SGCZ: variants seen among roughly 807,000 people sequenced by gnomAD.
SGCZ encodes the protein sarcoglycan zeta, also known as zeta-sarcoglycan.
SGCZ carries 40 observed loss-of-function variants against 41.3 expected under a neutral mutation model. The ratio of observed to expected loss-of-function variants is 0.97; its 90% CI spans 0.75 to 1.26. The LOEUF is 1.26. Among genes scored for constraint, SGCZ ranks in the 50% most tolerant of loss-of-function variants. The pLI, the probability that SGCZ is intolerant of heterozygous loss-of-function variation, is 0.00. For missense variants in SGCZ, 552 were observed against 369.8 expected (o/e 1.49, Z -4.04); for synonymous variants, 206 against 137.5 (o/e 1.50, Z -3.49).
intron 1 of SGCZ, among the ~76,000 whole-genome samples, chr8:15,221,948 A>T (rs1254103507): frequency 6.6e-6 from 1 of 152,198 alleles, no homozygotes; most frequent in African/African-American, 2.4e-5. Flanking sequence ...CTGAGTCTTC[A>T]ATTGTAGCTT....
At chr8:14,249,309 GT>G (rs1799206760) in intron 3 of SGCZ, among the ~76,000 whole-genome samples, 1 of 152,138 alleles carries the variant, frequency 6.6e-6, no homozygotes, top group Admixed American at 6.6e-5. Flanking sequence ...AGGCCTTCAT[GT>G]TTGGTTTAGC....
At chr8:14,860,423 TGGAG>T (rs1165101102) in intron 1 of SGCZ, among the ~76,000 whole-genome samples, 1 of 141,842 alleles carries the variant, frequency 7.1e-6, no homozygotes, top group Non-Finnish European at 1.5e-5. Context: ...GTGAGAAAAA[TGGAG>T]GGAGGGAGAG....
intron 1 of SGCZ, among the ~76,000 whole-genome samples, chr8:15,050,251 C>G (rs1031092690): frequency 9.9e-5 from 15 of 152,202 alleles, no homozygotes; most frequent in African/African-American, 3.4e-4. Flanking sequence ...TAACTTTGAA[C>G]ATATGAAAGT....
At chr8:14,582,273 G>C (rs1804915205) in intron 1 of SGCZ, among the ~76,000 whole-genome samples, 1 of 152,066 alleles carries the variant, frequency 6.6e-6, no homozygotes, top group Admixed American at 6.6e-5. Context: ...GCTATTAGTA[G>C]TTACGTTTGG....
chr8:14,600,263 C>T (rs1211919656), intron 1 of SGCZ, among the ~76,000 whole-genome samples: 1 of 152,140 alleles, frequency 6.6e-6, no homozygotes, highest in Admixed American at 6.5e-5. Context: ...CCCTTGAGTG[C>T]CCTTGGACTC....
intron 2 of SGCZ, among the ~76,000 whole-genome samples, chr8:14,408,589 T>C (rs1799273321): frequency 6.6e-6 from 1 of 152,162 alleles, no homozygotes; most frequent in African/African-American, 2.4e-5. Context: ...ACTGTTTCTA[T>C]ATAAATCAGT....
intron 2 of SGCZ, among the ~76,000 whole-genome samples, chr8:14,472,979 T>C (rs1425608790): frequency 3.3e-5 from 5 of 152,162 alleles, no homozygotes; most frequent in Non-Finnish European, 5.9e-5. Flanking sequence ...TGGTGTTAAC[T>C]GATGGTGAAG....
At chr8:14,286,560 T>C (rs1800639536) in intron 3 of SGCZ, among the ~76,000 whole-genome samples, 1 of 152,128 alleles carries the variant, frequency 6.6e-6, no homozygotes, top group Non-Finnish European at 1.5e-5. Flanking sequence ...TCTAACAATA[T>C]ACCAGATATT....
rs546721851 is a variant in SGCZ at position 14,334,658 on chromosome 8, T to A, written c.235-10454A>T. On this transcript the variant is annotated intron_variant, in intron 2 of 7. Coordinates refer to ENST00000382080, the MANE Select transcript of SGCZ (RefSeq NM_139167.4). ...CACAAATTTCTTATTTGCCTCAAATTTGCATTGTGGTATTCTGAAAAGAGA... is the reference window on the plus strand; with the variant it reads ...CACAAATTTCTTATTTGCCTCAAATATGCATTGTGGTATTCTGAAAAGAGA... Among the ~76,000 whole-genome samples the A allele has an allele frequency of 1.9e-4, 29 of 152,194 alleles. 2 individuals are homozygous for A. In the South Asian group the frequency reaches 6.0e-3, roughly 32 times the overall value.
intron 3 of SGCZ, among the ~76,000 whole-genome samples, chr8:14,304,641 C>A (rs898376219): frequency 6.6e-6 from 1 of 152,050 alleles, no homozygotes; most frequent in Non-Finnish European, 1.5e-5. Flanking sequence ...AAATAAATAT[C>A]GCTCAGGTTT....
chr8:14,299,677 A>G (rs1387988034), intron 3 of SGCZ, among the ~76,000 whole-genome samples: 1 of 151,940 alleles, frequency 6.6e-6, no homozygotes, highest in Admixed American at 6.6e-5. Context: ...GCAAGGTTGT[A>G]GAGCAATGGG....
intron 5 of SGCZ, among the ~76,000 whole-genome samples, chr8:14,158,776 T>C (rs1042391797): frequency 6.6e-6 from 1 of 152,134 alleles, no homozygotes; most frequent in Non-Finnish European, 1.5e-5. Context: ...TTTTCTATGT[T>C]TGCTTGTTTT....
intron 1 of SGCZ, among the ~76,000 whole-genome samples, chr8:14,706,481 G>A (rs1441436126): frequency 2.0e-5 from 3 of 151,734 alleles, no homozygotes; most frequent in South Asian, 2.1e-4. Flanking sequence ...GTAGACACAT[G>A]TGTAAACCTT....
At chr8:14,226,005 T>C (rs1806359961) in intron 4 of SGCZ, among the ~76,000 whole-genome samples, 1 of 152,026 alleles carries the variant, frequency 6.6e-6, no homozygotes, top group African/African-American at 2.4e-5. Context: ...TCATAAGGTA[T>C]ATTTTGAAAA....
At chr8:14,745,787 C>T (rs576284699) in intron 1 of SGCZ, among the ~76,000 whole-genome samples, 1 of 150,946 alleles carries the variant, frequency 6.6e-6, no homozygotes, top group South Asian at 2.1e-4. Flanking sequence ...TTCCCATCAA[C>T]AGTTTTCTGG....
chr8:15,207,206 G>A lies in SGCZ; in HGVS notation c.39+30379C>T, dbSNP rs551895094. On this transcript the variant is annotated intron_variant, in intron 1 of 7. Coordinates refer to ENST00000382080, the MANE Select transcript of SGCZ (RefSeq NM_139167.4). ...TTTTTTTCCAGACACACCAAGTTTG[G>A]GTTGACAGCAGGCTAATCAGGCAGC... 3.9e-5 allele frequency among the ~76,000 whole-genome samples: 6 copies of A among 152,270 alleles called. No homozygotes were observed. The East Asian group carries it at 1.2e-3, about 29-fold the overall frequency.
chr8:14,861,785 A>T lies in SGCZ; in HGVS notation c.40-306859T>A, dbSNP rs149446467. Reference sequence around the variant, plus strand: ...GGTGTTGCTAAGCTTCCCAACATCGAGATATTCCTTAGGGGGTGTCAGGCT... The same window carrying T: ...GGTGTTGCTAAGCTTCCCAACATCGTGATATTCCTTAGGGGGTGTCAGGCT... On this transcript the variant is annotated intron_variant, in intron 1 of 7. Coordinates refer to ENST00000382080, the MANE Select transcript of SGCZ (RefSeq NM_139167.4). 4.9e-3 allele frequency among the ~76,000 whole-genome samples: 748 copies of T among 152,164 alleles called. 4 individuals carry two copies. The highest frequency in any genetic ancestry group is 0.017 in the African/African-American group (712 of 41,540).
chr8:14,620,299 T>G (rs1806241507), intron 1 of SGCZ, among the ~76,000 whole-genome samples: 1 of 152,136 alleles, frequency 6.6e-6, no homozygotes, highest in East Asian at 1.9e-4. Flanking sequence ...CAAGATGGAT[T>G]AAAGACTTAA....
intron 2 of SGCZ, among the ~76,000 whole-genome samples, chr8:14,344,939 A>G (rs1183100908): frequency 6.6e-6 from 1 of 152,106 alleles, no homozygotes; most frequent in Non-Finnish European, 1.5e-5. Context: ...CGATACAACT[A>G]ATTTAGGGCA....
Sources: allele counts gnomAD v4.1 joint callset (sites outside exome capture counted in the v4.1 genomes callset), GRCh38; gene constraint gnomAD v4.1.1; transcripts MANE v1.5; gene names NCBI Gene and HGNC (gene_info 2026-07-23, HGNC 2026-07-21).